The following TNFAIP3 variants were observed in gnomAD, a reference collection of about 807,000 sequenced individuals.
TNFAIP3 encodes the protein tumor necrosis factor alpha-induced protein 3.
TNFAIP3 carries 9 observed loss-of-function variants against 72.4 expected under a neutral mutation model. That is an observed-to-expected ratio of 0.12 (90% CI 0.07 to 0.22). TNFAIP3 has a LOEUF of 0.22. TNFAIP3 is among the 10% of genes least tolerant of loss of function. TNFAIP3 has a pLI of 1.00. For missense variants in TNFAIP3, 833 were observed against 1,018.7 expected (o/e 0.82, Z 2.48); for synonymous variants, 339 against 372.6 (o/e 0.91, Z 1.04).
At position 137,878,941 on chromosome 6, in the gene TNFAIP3, A is replaced by G. The variant is rs1776343728; in HGVS notation, c.1496A>G (p.His499Arg). The G allele has an allele frequency of 1.9e-6, 3 of 1,614,202 alleles. No homozygotes were observed. Among genetic ancestry groups the G allele is most frequent in the Non-Finnish European group, 2.5e-6 (3 of 1,180,034 alleles). ...VQHNGFCERC[H>R]NARQLHASHA... ...CACAACGGATTTTGTGAACGTTGCC[A>G]CAACGCCCGGCAACTTCACGCCAGC... Residue 499 changes from histidine to arginine, a missense_variant, in exon 7 of 9, where the codon CAC (histidine) becomes CGC (arginine). Transcript: ENST00000612899.
intron 5 of TNFAIP3, 141 bp from the exon 6 acceptor site, chr6:137,876,935 C>A: frequency 1.6e-6 from 1 of 616,404 alleles, no homozygotes; most frequent in Non-Finnish European, 2.6e-6. Flanking sequence ...ATTTTGTTTT[C>A]CCATTTGGGT....
chr6:137,878,956 T>C lies in TNFAIP3; in HGVS notation c.1511T>C (p.Leu504Pro). ...GAACGTTGCCACAACGCCCGGCAAC[T>C]TCACGCCAGCCACGCCCCAGACCAC... ...FCERCHNARQ[L>P]HASHAPDHTR... is the part of the protein sequence containing the mutation. The change falls in exon 7 of 9, where the codon CTT (leucine) becomes CCT (proline). Residue 504 changes from leucine (L) to proline (P), a missense_variant. By Grantham distance (98) the Leu-to-Pro change is moderately conservative. Around this residue, in one of 2 missense-constraint regions of TNFAIP3, gnomAD observed 587 missense variants for 657.8 expected, o/e 0.89. Coordinates refer to ENST00000612899, the MANE Select transcript of TNFAIP3 (RefSeq NM_001270508.2). The C allele has an allele frequency of 6.2e-7, 1 of 1,614,154 alleles. No individual in the cohort carries two copies. The highest frequency in any genetic ancestry group is 8.5e-7 in the Non-Finnish European group (1 of 1,180,020).
intron 8 of TNFAIP3, among the ~76,000 whole-genome samples, chr6:137,880,668 CG>C (rs1776420226): frequency 6.6e-6 from 1 of 152,006 alleles, no homozygotes; most frequent in Non-Finnish European, 1.5e-5. Flanking sequence ...CCTAATGGCG[CG>C]TCAGAAAAGC....
chr6:137,879,435 GTA>G (rs1443867711), intron 7 of TNFAIP3, 84 bp downstream of exon 7: 1 of 1,461,876 alleles, frequency 6.8e-7, no homozygotes, highest in Admixed American at 2.2e-5. Flanking sequence ...AAAAGCCCAT[GTA>G]GGCAGTCAGG....
chr6:137,876,136 C>T lies in TNFAIP3; in HGVS notation c.775C>T (p.Pro259Ser), dbSNP rs1273199420. The T allele has an allele frequency of 3.7e-6, 6 of 1,613,990 alleles. No individual in the cohort carries two copies. Among genetic ancestry groups the T allele is most frequent in the Non-Finnish European group, 5.1e-6 (6 of 1,179,934 alleles). Residue 259 changes from proline (P) to serine (S), a missense_variant, in exon 5 of 9, where the codon CCC becomes TCC. Transcript: ENST00000612899. ...VLGYDSHHFV[P>S]LVTLKDSGPE... ...CGGCTATGACAGCCATCATTTTGTACCCTTGGTGACCCTGAAGGACAGTGG... is the reference window on the plus strand; with the variant it reads ...CGGCTATGACAGCCATCATTTTGTATCCTTGGTGACCCTGAAGGACAGTGG...
At position 137,878,653 on chromosome 6, in the gene TNFAIP3, T is replaced by C. The variant is rs587778715; in HGVS notation, c.1208T>C (p.Leu403Ser). ...PFFMSVNTQP[L>S]CHECSERRQK... ...TTCATGTCTGTGAACACCCAGCCTT[T>C]ATGCCATGAGTGCTCAGAGAGGCGG... is the stretch of plus-strand genomic sequence containing the variant. The change falls in exon 7 of 9, where the codon TTA becomes TCA. Residue 403 changes from leucine to serine, a missense_variant. Around this residue, in one of 2 missense-constraint regions of TNFAIP3, gnomAD observed 587 missense variants for 657.8 expected, o/e 0.89. Transcript: ENST00000612899. 1.3e-5 allele frequency: 21 copies of C among 1,614,060 alleles called. No homozygotes were observed. Among genetic ancestry groups the C allele is most frequent in the Non-Finnish European group, 1.7e-5 (20 of 1,180,036 alleles).
At chr6:137,868,491 A>AT (rs1203679810) in intron 1 of TNFAIP3, among the ~76,000 whole-genome samples, 1 of 151,568 alleles carries the variant, frequency 6.6e-6, no homozygotes, top group Non-Finnish European at 1.5e-5. Flanking sequence ...ACTATTTTTG[A>AT]TTTTTTGGAG....
At chr6:137,875,901 G>GA in intron 4 of TNFAIP3, 66 bp downstream of exon 4, 1 of 1,605,188 alleles carries the variant, frequency 6.2e-7, no homozygotes, top group Non-Finnish European at 8.5e-7. Flanking sequence ...GGCTCCTGGA[G>GA]AAAACCACAC....
intron 2 of TNFAIP3, among the ~76,000 whole-genome samples, chr6:137,874,364 C>A (rs1274320579): frequency 6.6e-6 from 1 of 152,238 alleles, no homozygotes; most frequent in Non-Finnish European, 1.5e-5. Flanking sequence ...CCATCCCTAT[C>A]TAGCAAGCCA....
At chr6:137,875,377 G>A (rs554058348) in intron 3 of TNFAIP3, among the ~76,000 whole-genome samples, 1 of 152,164 alleles carries the variant, frequency 6.6e-6, no homozygotes, top group Non-Finnish European at 1.5e-5. Context: ...ACCATCCTCA[G>A]TCACAAGTTT....
At position 137,879,125 on chromosome 6, in the gene TNFAIP3, C is replaced by T; in HGVS notation, c.1680C>T (p.His560=). 1.2e-6 allele frequency: 2 copies of T among 1,614,180 alleles called. No individual in the cohort carries two copies. The highest frequency in any genetic ancestry group is 2.2e-5 in the South Asian group (2 of 91,082). ...GCACCAGCCTCCCTCCTTCCTGTCA[C>T]CAGCGTTCCAAGTCAGATCCCTCGC... The part of the protein sequence containing the change: ...SLSTSLPPSC[H]QRSKSDPSRL... Residue 560 remains histidine, a synonymous_variant, in exon 7 of 9, where the codon CAC becomes CAT. Transcript: ENST00000612899.
chr6:137,867,959 CCAGCCCGACG>C lies in TNFAIP3; in HGVS notation c.-16+418_-16+427del. 1 of 152,590 alleles carries C rather than the reference CCAGCCCGACG, an allele frequency of 6.6e-6. No homozygotes were observed. The highest frequency in any genetic ancestry group is 2.1e-4 in the South Asian group (1 of 4,868). The allele number at this position is 152,590 out of a possible 1,614,324, so 9.5% of individuals were successfully genotyped here. On this transcript the variant is annotated intron_variant, in intron 1 of 8. Transcript: ENST00000612899. The surrounding 1 kb of genome is among the most constrained non-coding windows in gnomAD (Gnocchi z 6.0). ...CGGCTTTTTCCCAAATTGTGCAGGA[CCAGCCCGACG>C]GGGCGTAGGGTACCGCAGTGGCCGC...
In TNFAIP3 at chr6:137,871,554, T is replaced by C; in HGVS notation, c.295+32T>C. On this transcript the variant is annotated intron_variant, in intron 2 of 8. Coordinates refer to ENST00000612899, the MANE Select transcript of TNFAIP3 (RefSeq NM_001270508.2). The surrounding 1 kb of genome is among the most constrained non-coding windows in gnomAD (Gnocchi z 4.2). ...CTTGTTCTGTTGTGTTTCTTTTGCC[T>C]GGGTGATAGCTCCCGCCTGCTGGAT... 1.9e-6 allele frequency: 3 copies of C among 1,603,302 alleles called. No individual in the cohort carries two copies. Among genetic ancestry groups the C allele is most frequent in the Non-Finnish European group, 2.6e-6 (3 of 1,173,522 alleles).
At chr6:137,880,457 C>T (rs1776412873) in intron 8 of TNFAIP3, among the ~76,000 whole-genome samples, 1 of 152,162 alleles carries the variant, frequency 6.6e-6, no homozygotes, top group African/African-American at 2.4e-5. Context: ...TTTCATGCTC[C>T]AAGTATGCTT....
At position 137,878,429 on chromosome 6, in the gene TNFAIP3, C is replaced by T; in HGVS notation, c.987-3C>T. On this transcript the variant is annotated splice_region_variant and splice_polypyrimidine_tract_variant and intron_variant, in intron 6 of 8. Transcript: ENST00000612899. ...ATACATATTTTTTCCTTTTGGTCTT[C>T]AGGTTGGATGAAGCTAACTTACCAA... 2 of 1,597,156 alleles carry T rather than the reference C, an allele frequency of 1.3e-6. No homozygotes were observed. Among genetic ancestry groups the T allele is most frequent in the Middle Eastern group, 1.7e-4 (1 of 6,000 alleles).
At position 137,871,654 on chromosome 6, in the gene TNFAIP3, T is replaced by C; in HGVS notation, c.295+132T>C. The C allele has an allele frequency of 2.1e-6, 2 of 960,406 alleles. No homozygotes were observed. Among genetic ancestry groups the C allele is most frequent in the Admixed American group, 2.6e-5 (1 of 38,302 alleles). The allele number at this position is 960,406 out of a possible 1,614,324, so 59.5% of individuals were successfully genotyped here. A position where few individuals can be genotyped will look rare whatever the true frequency, so the allele number is the denominator to read the frequency against. On this transcript the variant is annotated intron_variant, in intron 2 of 8. Transcript: ENST00000612899. This position sits in a 1 kb window ranked among gnomAD's most constrained non-coding sequence, Gnocchi z 4.2. ...GAGATTTAGTATTGAGACCTTTATA[T>C]AGAATCTCTATTCGGGGTATGTGAT...
intron 5 of TNFAIP3, 111 bp from the exon 6 acceptor site, chr6:137,876,965 C>A: frequency 1.1e-6 from 1 of 870,608 alleles, no homozygotes; most frequent in Non-Finnish European, 1.7e-6. Context: ...GCTAAGAATA[C>A]TTTTCTATTC....
chr6:137,875,146 T>C, intron 3 of TNFAIP3, 111 bp downstream of exon 3: 1 of 1,309,398 alleles, frequency 7.6e-7, no homozygotes, highest in Non-Finnish European at 1.1e-6. Context: ...TCACATGAAT[T>C]TGGCTAAGCG....
intron 4 of TNFAIP3, 56 bp downstream of exon 4, chr6:137,875,891 G>T (rs1776229319): frequency 6.2e-7 from 1 of 1,606,982 alleles, no homozygotes; most frequent in Non-Finnish European, 8.5e-7. Context: ...CTTATGCCTT[G>T]GCTCCTGGAG....
Sources: allele counts gnomAD v4.1 joint callset (sites outside exome capture counted in the v4.1 genomes callset), GRCh38; gene constraint gnomAD v4.1.1; regional missense constraint gnomAD v4.1.1; non-coding constraint Gnocchi (gnomAD v3.1); transcripts MANE v1.5; gene names NCBI Gene and HGNC (gene_info 2026-07-23, HGNC 2026-07-21).